The following TNR variants were observed in gnomAD, a reference collection of about 807,000 sequenced individuals.
The protein encoded by TNR is tenascin-R.
TNR carries 45 observed loss-of-function variants against 150.4 expected under a neutral mutation model. The observed-to-expected ratio is 0.30, with a 90% CI of 0.24 to 0.38. The LOEUF is 0.38. TNR is among the 10% of genes least tolerant of loss of function. The pLI, the probability that TNR is intolerant of heterozygous loss-of-function variation, is 1.00. For synonymous variants in TNR, 687 were observed against 678.4 expected (o/e 1.01, Z -0.20); for missense variants, 1,544 against 1,759.1 (o/e 0.88, Z 2.19).
In TNR at chr1:175,600,459, G is replaced by C. The variant is rs56196549; in HGVS notation, c.-164-72090C>G. Among the ~76,000 whole-genome samples, 1,361 of 152,302 alleles carry C rather than the reference G, an allele frequency of 8.9e-3. 20 individuals are homozygous for C. Among genetic ancestry groups the C allele is most frequent in the African/African-American group, 0.031 (1,293 of 41,558 alleles). On this transcript the variant is annotated intron_variant, in intron 1 of 22. Coordinates refer to ENST00000367674, the MANE Select transcript of TNR (RefSeq NM_003285.3). ...TATCTATTTGATTTAAAGGTGATTT[G>C]GCTTAGCAGAAAGCAAGGCTTCTGT...
chr1:175,736,261 C>T (rs1039894862), intron 1 of TNR, among the ~76,000 whole-genome samples: 4 of 152,230 alleles, frequency 2.6e-5, no homozygotes, highest in African/African-American at 9.6e-5. Context: ...GTGGCTCACG[C>T]CTGTAATCCC....
chr1:175,392,073 A>G (rs1457894323), intron 6 of TNR, among the ~76,000 whole-genome samples: 1 of 152,222 alleles, frequency 6.6e-6, no homozygotes, highest in Admixed American at 6.5e-5. Context: ...AAGAAAGGAA[A>G]AAGGAAGCTT....
chr1:175,726,432 C>T (rs766286740), intron 1 of TNR, among the ~76,000 whole-genome samples: 3 of 152,182 alleles, frequency 2.0e-5, no homozygotes, highest in Non-Finnish European at 2.9e-5. Flanking sequence ...AGGCCTGAAC[C>T]TTAATATGAA....
intron 2 of TNR, among the ~76,000 whole-genome samples, chr1:175,457,230 C>T (rs777264047): frequency 5.3e-5 from 8 of 152,330 alleles, no homozygotes; most frequent in East Asian, 1.9e-4. Context: ...CACCATGCAC[C>T]GGCTACTGGT....
chr1:175,602,279 C>T (rs969147092), intron 1 of TNR, among the ~76,000 whole-genome samples: 12 of 149,190 alleles, frequency 8.0e-5, no homozygotes, highest in African/African-American at 2.7e-4. Context: ...ACTCATTCCT[C>T]TCTATATCAC....
chr1:175,427,519 T>C (rs1018154773), intron 2 of TNR, among the ~76,000 whole-genome samples: 2 of 152,224 alleles, frequency 1.3e-5, no homozygotes, highest in African/African-American at 4.8e-5. Context: ...AATGGTCCCA[T>C]GTGGCTGGTG....
chr1:175,376,860 T>TTATATATATATA (rs371694471), intron 9 of TNR, among the ~76,000 whole-genome samples: 12 of 113,706 alleles, frequency 1.1e-4, no homozygotes, highest in Admixed American at 2.9e-4. Flanking sequence ...AAATGTAATA[T>TTATATATATATA]TATATATATA....
intron 9 of TNR, among the ~76,000 whole-genome samples, chr1:175,371,018 C>G (rs1204181582): frequency 6.6e-6 from 1 of 151,096 alleles, no homozygotes; most frequent in African/African-American, 2.4e-5. Flanking sequence ...TTCTTCCATG[C>G]TACAAGTGAA....
intron 2 of TNR, among the ~76,000 whole-genome samples, chr1:175,520,462 C>A (rs1276223292): frequency 1.3e-5 from 2 of 152,214 alleles, no homozygotes; most frequent in Non-Finnish European, 1.5e-5. Context: ...GACTTAGCCA[C>A]ATACTCGTAT....
intron 1 of TNR, among the ~76,000 whole-genome samples, chr1:175,579,450 C>T (rs975132125): frequency 6.6e-6 from 1 of 151,682 alleles, no homozygotes; most frequent in African/African-American, 2.4e-5. Context: ...GACTGGCAGA[C>T]CAGGCAGAAG....
At chr1:175,613,137 G>A (rs1391652704) in intron 1 of TNR, among the ~76,000 whole-genome samples, 2 of 152,194 alleles carry the variant, frequency 1.3e-5, no homozygotes, top group Non-Finnish European at 2.9e-5. Context: ...ACTTTGCAGG[G>A]TCTCCTCTGG....
chr1:175,537,773 C>T (rs1029797469), intron 1 of TNR, among the ~76,000 whole-genome samples: 4 of 152,148 alleles, frequency 2.6e-5, no homozygotes, highest in Non-Finnish European at 5.9e-5. Context: ...GAGCAGATGG[C>T]ACAGATAGCA....
intron 2 of TNR, among the ~76,000 whole-genome samples, chr1:175,472,445 A>T (rs1178783147): frequency 6.6e-6 from 1 of 152,254 alleles, no homozygotes; most frequent in Non-Finnish European, 1.5e-5. Context: ...TTATTTCATT[A>T]TCAGTTACAT....
At position 175,344,660 on chromosome 1, in the gene TNR, T is replaced by A. The variant is rs574324033; in HGVS notation, c.3383-6981A>T. On this transcript the variant is annotated intron_variant, in intron 18 of 22. Coordinates refer to ENST00000367674, the MANE Select transcript of TNR (RefSeq NM_003285.3). Reference sequence around the variant, plus strand: ...ATCCCCAAAGTTGTGCAAGATAAAATGAAAAGATAACCTGAATAGGATGAA... The same window carrying A: ...ATCCCCAAAGTTGTGCAAGATAAAAAGAAAAGATAACCTGAATAGGATGAA... Among the ~76,000 whole-genome samples, 48 of 152,290 alleles carry A rather than the reference T, an allele frequency of 3.2e-4. 2 individuals are homozygous for A. The East Asian group carries it at 8.5e-3, about 27-fold the overall frequency.
In TNR at chr1:175,379,533, A is replaced by G. The variant is rs928330592; in HGVS notation, c.1963+19T>C. 6 of 1,605,268 alleles carry G rather than the reference A, an allele frequency of 3.7e-6. No homozygotes were observed. Among genetic ancestry groups the G allele is most frequent in the Non-Finnish European group, 5.1e-6 (6 of 1,174,606 alleles). ...AGACTCAGCAACCAGCATAACCCCAAGAGATAGGTCTTACTCACCTGTCAG... is the reference window on the plus strand; with the variant it reads ...AGACTCAGCAACCAGCATAACCCCAGGAGATAGGTCTTACTCACCTGTCAG... On this transcript the variant is annotated intron_variant, in intron 9 of 22. Coordinates refer to ENST00000367674, the MANE Select transcript of TNR (RefSeq NM_003285.3).
At chr1:175,528,682 T>G (rs1343489519) in intron 1 of TNR, among the ~76,000 whole-genome samples, 1 of 152,198 alleles carries the variant, frequency 6.6e-6, no homozygotes, top group Non-Finnish European at 1.5e-5. Flanking sequence ...TGTAATAACA[T>G]GCTTAGCTGA....
intron 1 of TNR, among the ~76,000 whole-genome samples, chr1:175,700,529 C>T (rs952273042): frequency 6.6e-6 from 1 of 152,184 alleles, no homozygotes; most frequent in Non-Finnish European, 1.5e-5. Flanking sequence ...CAGCACTCTC[C>T]ACACTGACTT....
intron 1 of TNR, among the ~76,000 whole-genome samples, chr1:175,640,272 C>T (rs760669085): frequency 2.0e-5 from 3 of 152,182 alleles, no homozygotes; most frequent in African/African-American, 7.2e-5. Flanking sequence ...CTTCTCTTTC[C>T]TCTATATGGC....
At chr1:175,718,716 G>T (rs1012342721) in intron 1 of TNR, among the ~76,000 whole-genome samples, 1 of 152,260 alleles carries the variant, frequency 6.6e-6, no homozygotes, top group Non-Finnish European at 1.5e-5. Flanking sequence ...GGTGTTAGAA[G>T]GGCTTGGGAG....
Sources: gnomAD v4.1 joint callset for allele counts (sites outside exome capture counted in the v4.1 genomes callset) on GRCh38, gnomAD v4.1.1 for gene constraint, MANE v1.5 for transcripts, NCBI Gene and HGNC (gene_info 2026-07-23, HGNC 2026-07-21) for gene names.